The following NUP93 variants were observed in gnomAD, a reference collection of about 807,000 sequenced individuals.
The protein encoded by NUP93 is nuclear pore complex protein Nup93.
A neutral mutation model predicts 107.8 loss-of-function variants in NUP93; 55 were observed. That is an observed-to-expected ratio of 0.51 (90% CI 0.41 to 0.64). NUP93 has a LOEUF of 0.64. Ranked by LOEUF, NUP93 falls within the 30% of genes least tolerant of loss-of-function variation. The pLI is 0.00. For synonymous variants in NUP93, 390 were observed against 397.5 expected (o/e 0.98, Z 0.22); for missense variants, 937 against 1,044.7 (o/e 0.90, Z 1.42).
intron 4 of NUP93, among the ~76,000 whole-genome samples, chr16:56,802,381 G>A (rs1364505698): frequency 7.6e-6 from 1 of 131,224 alleles, no homozygotes; most frequent in East Asian, 2.4e-4. Flanking sequence ...AAAGTTTACA[G>A]ATGTGAGCAA....
chr16:56,779,261 C>T (rs1962469758), intron 3 of NUP93, among the ~76,000 whole-genome samples: 2 of 152,192 alleles, frequency 1.3e-5, no homozygotes. Context: ...TTTTACCTGG[C>T]AATTATTATA....
Position 56,823,844 on chromosome 16 carries a change from G to A in NUP93, c.792G>A (p.Gln264=), listed in dbSNP as rs770436458. 6.2e-7 allele frequency: 1 copy of A among 1,613,636 alleles called. No homozygotes were observed. The highest frequency in any genetic ancestry group is 8.5e-7 in the Non-Finnish European group (1 of 1,179,904). The part of the protein sequence containing the change: ...FVRQALAYLE[Q]SYKNYTLVTV... The stretch of plus-strand genomic sequence containing the variant: ...GGCAGGCCTTGGCGTACCTTGAGCA[G>A]AGGTAAGGCAGCAGTAGCACAGTGG... Residue 264 remains glutamine, a splice_region_variant and synonymous_variant, in exon 8 of 22, where the codon CAG becomes CAA. Transcript: ENST00000308159.
intron 1 of NUP93, among the ~76,000 whole-genome samples, chr16:56,742,675 T>C (rs1282005609): frequency 1.3e-5 from 2 of 152,244 alleles, no homozygotes; most frequent in African/African-American, 2.4e-5. Flanking sequence ...TTGGCAGATA[T>C]GTCTAGGATG....
At chr16:56,747,878 T>G (rs1417208368) in intron 1 of NUP93, 1 of 159,614 alleles carries the variant, frequency 6.3e-6, no homozygotes, top group African/African-American at 2.4e-5. Flanking sequence ...TGACTGTTCT[T>G]TAAGCCTCCT....
At chr16:56,821,723 A>G in intron 7 of NUP93, 130 bp downstream of exon 7, 1 of 573,198 alleles carries the variant, frequency 1.7e-6, no homozygotes, top group Non-Finnish European at 3.1e-6. Flanking sequence ...ACTGTTCTTC[A>G]GTTTTATTTT....
chr16:56,760,168 C>G (rs1307800263), intron 3 of NUP93, among the ~76,000 whole-genome samples: 1 of 152,178 alleles, frequency 6.6e-6, no homozygotes, highest in East Asian at 1.9e-4. Context: ...ATGAGCGCAT[C>G]AGAGCTTTGG....
intron 4 of NUP93, 61 bp downstream of exon 4, chr16:56,798,599 G>A (rs1962951241): frequency 3.0e-6 from 4 of 1,344,266 alleles, no homozygotes; most frequent in African/African-American, 2.9e-5. Context: ...TGGGCGTGGT[G>A]GCTCACATCT....
chr16:56,819,295 G>A (rs570087797), intron 6 of NUP93, among the ~76,000 whole-genome samples: 1 of 152,304 alleles, frequency 6.6e-6, no homozygotes, highest in Admixed American at 6.5e-5. Context: ...AATTCTGTTG[G>A]ACTGAAACCA....
intron 2 of NUP93, among the ~76,000 whole-genome samples, chr16:56,754,209 C>A (rs1456199769): frequency 6.6e-6 from 1 of 152,076 alleles, no homozygotes; most frequent in Non-Finnish European, 1.5e-5. Context: ...AAGGGGAAGT[C>A]TTGCCCCTAT....
At chr16:56,776,274 C>CT (rs1434989405) in intron 3 of NUP93, among the ~76,000 whole-genome samples, 1 of 151,962 alleles carries the variant, frequency 6.6e-6, no homozygotes, top group African/African-American at 2.4e-5. Context: ...TTTAATAAAC[C>CT]TTTTCTTTCC....
At chr16:56,834,088 G>T in intron 13 of NUP93, 40 bp from the exon 14 acceptor site, 1 of 1,610,700 alleles carries the variant, frequency 6.2e-7, no homozygotes. Flanking sequence ...GGGTCAGAGG[G>T]GCAGTGTGGT....
At chr16:56,751,234 C>A (rs1421222549) in intron 2 of NUP93, among the ~76,000 whole-genome samples, 1 of 152,088 alleles carries the variant, frequency 6.6e-6, no homozygotes, top group Admixed American at 6.6e-5. Flanking sequence ...CCAACGTAAC[C>A]AATGTTATTA....
At chr16:56,766,999 A>G (rs1962227702) in intron 3 of NUP93, among the ~76,000 whole-genome samples, 1 of 152,234 alleles carries the variant, frequency 6.6e-6, no homozygotes, top group Non-Finnish European at 1.5e-5. Flanking sequence ...CTTTTAAAGC[A>G]TCTTTCCATT....
chr16:56,847,409 T>A lies in NUP93; in HGVS notation c.*2800T>A, dbSNP rs1426827812. 1 of 152,220 alleles carries A rather than the reference T, an allele frequency of 6.6e-6. No homozygotes were observed. The highest frequency in any genetic ancestry group is 1.5e-5 in the Non-Finnish European group (1 of 68,038). The allele number at this position is 152,220 out of a possible 1,614,324, so 9.4% of individuals were successfully genotyped here. A position where few individuals can be genotyped will look rare whatever the true frequency, so the allele number is the denominator to read the frequency against. On this transcript the variant is annotated 3_prime_UTR_variant, in exon 22 of 22. Transcript: ENST00000308159. ...GATGTTGGGCCAGGATTTCACTATT[T>A]ACCCAGAGAAACTAAGAGAAAGTGG... is the stretch of plus-strand genomic sequence containing the variant.
intron 3 of NUP93, among the ~76,000 whole-genome samples, chr16:56,771,732 G>T (rs868169594): frequency 7.2e-5 from 11 of 152,190 alleles, no homozygotes; most frequent in African/African-American, 2.4e-4. Flanking sequence ...GGAACAAAAA[G>T]TGATACTGAT....
chr16:56,802,314 C>T (rs1204090981), intron 4 of NUP93, among the ~76,000 whole-genome samples: 1 of 150,350 alleles, frequency 6.7e-6, no homozygotes, highest in Non-Finnish European at 1.5e-5. Flanking sequence ...CCACCCCCAC[C>T]CCACCTTTGT....
rs1180854016 is a variant in NUP93, at chr16:56,798,501, A to G, written c.323A>G (p.Asn108Ser). ...GGCTTCCTGAAGAATGAGAAGGACA[A>G]TGCCCTGCTGTCTGCCATCGAAGAG... ...IQGFLKNEKD[N>S]ALLSAIEESR... Residue 108 changes from asparagine (N) to serine (S), a missense_variant, in exon 4 of 22, where the codon AAT (asparagine) becomes AGT (serine). By Grantham distance (46) the Asn-to-Ser change is conservative. Transcript: ENST00000308159. 5.0e-6 allele frequency: 8 copies of G among 1,614,144 alleles called. No individual in the cohort carries two copies. Among genetic ancestry groups the G allele is most frequent in the South Asian group, 4.4e-5 (4 of 91,086 alleles).
At chr16:56,747,917 ACCTGCTTTGAG>A (rs1961848249) in intron 1 of NUP93, 1 of 178,542 alleles carries the variant, frequency 5.6e-6, no homozygotes, top group African/African-American at 2.4e-5. Context: ...CCATTTCCTT[ACCTGCTTTGAG>A]TCTGTGGAAG....
At chr16:56,757,269 C>CA (rs1216873093) in intron 2 of NUP93, among the ~76,000 whole-genome samples, 1 of 152,148 alleles carries the variant, frequency 6.6e-6, no homozygotes, top group Non-Finnish European at 1.5e-5. Context: ...AAAGTGAACA[C>CA]AAATGTTATC....
Sources: gnomAD v4.1 joint callset for allele counts (sites outside exome capture counted in the v4.1 genomes callset) on GRCh38, gnomAD v4.1.1 for gene constraint, MANE v1.5 for transcripts, NCBI Gene and HGNC (gene_info 2026-07-23, HGNC 2026-07-21) for gene names.